Variants in SNTB1 observed in about 807,000 individuals in gnomAD.
SNTB1 encodes the protein syntrophin beta 1.
A neutral mutation model predicts 48.9 loss-of-function variants in SNTB1; 36 were observed. The observed-to-expected ratio is 0.74, with a 90% CI of 0.56 to 0.97. The LOEUF is 0.97. SNTB1 is among the 50% of genes least tolerant of loss of function. The pLI, the probability that SNTB1 is intolerant of heterozygous loss-of-function variation, is 0.00. For missense variants in SNTB1, 786 were observed against 703.4 expected, an observed-to-expected ratio of 1.12 and a Z score of -1.33; for synonymous variants, 299 against 294.6, an observed-to-expected ratio of 1.01 and a Z score of -0.15.
intron 3 of SNTB1, among the ~76,000 whole-genome samples, chr8:120,602,012 A>T (rs143372750): frequency 6.6e-6 from 1 of 152,358 alleles, no homozygotes; most frequent in Admixed American, 6.5e-5. Flanking sequence ...CAAAAAACAA[A>T]AACAAACAAC....
At chr8:120,605,426 C>T (rs535757002) in intron 3 of SNTB1, among the ~76,000 whole-genome samples, 1 of 152,312 alleles carries the variant, frequency 6.6e-6, no homozygotes, top group African/African-American at 2.4e-5. Context: ...GATATTACCA[C>T]GTCTAACTGT....
chr8:120,695,423 C>A (rs914618936), intron 1 of SNTB1, among the ~76,000 whole-genome samples: 3 of 152,134 alleles, frequency 2.0e-5, no homozygotes, highest in African/African-American at 4.8e-5. Context: ...TGGGTGAGAA[C>A]AACTCATAGC....
chr8:120,551,535 G>A (rs1035818355), intron 4 of SNTB1, among the ~76,000 whole-genome samples: 1 of 151,590 alleles, frequency 6.6e-6, no homozygotes, highest in South Asian at 2.1e-4. Context: ...GACCATCCTG[G>A]CTAACACAGT....
At chr8:120,735,136 T>C (rs1411720263) in intron 1 of SNTB1, among the ~76,000 whole-genome samples, 1 of 152,202 alleles carries the variant, frequency 6.6e-6, no homozygotes, top group Non-Finnish European at 1.5e-5. Context: ...CAGATGAGGC[T>C]ATGGGCATGT....
chr8:120,661,233 A>G (rs1817582810), intron 2 of SNTB1, among the ~76,000 whole-genome samples: 1 of 152,194 alleles, frequency 6.6e-6, no homozygotes, highest in Non-Finnish European at 1.5e-5. Flanking sequence ...ACAATAAAGC[A>G]AAGTGCAACA....
intron 4 of SNTB1, chr8:120,570,479 A>AC (rs1054030016): frequency 6.6e-6 from 1 of 152,030 alleles, no homozygotes; most frequent in Admixed American, 6.6e-5. Context: ...CTCTGTGTCA[A>AC]CCCCCTGTGG....
At chr8:120,677,482 C>T (rs1367689583) in intron 2 of SNTB1, among the ~76,000 whole-genome samples, 2 of 152,164 alleles carry the variant, frequency 1.3e-5, no homozygotes, top group African/African-American at 4.8e-5. Context: ...TTTTCGTTTA[C>T]CCAAACGGCT....
In SNTB1 at chr8:120,537,548, T is replaced by C. The variant is rs1194998292; in HGVS notation, c.*1329A>G. ...TGCATGGGTATTTGTTAACATATGA[T>C]TCTTTAAAAACACACAGGTCTAACA... On this transcript the variant is annotated 3_prime_UTR_variant, in exon 7 of 7. Transcript: ENST00000517992. 6.6e-6 allele frequency: 1 copy of C among 152,242 alleles called. No homozygotes were observed. Among genetic ancestry groups the C allele is most frequent in the African/African-American group, 2.4e-5 (1 of 41,460 alleles). The allele number at this position is 152,242 out of a possible 1,614,324, so 9.4% of individuals were successfully genotyped here.
intron 4 of SNTB1, among the ~76,000 whole-genome samples, chr8:120,556,252 G>A (rs1437801591): frequency 6.6e-6 from 1 of 152,122 alleles, no homozygotes; most frequent in East Asian, 1.9e-4. Context: ...CCCGCTTCTG[G>A]TAGATGACAA....
At chr8:120,617,083 A>C (rs888186512) in intron 3 of SNTB1, among the ~76,000 whole-genome samples, 1 of 152,234 alleles carries the variant, frequency 6.6e-6, no homozygotes. Context: ...ATTTGTGTTG[A>C]AAACATTATG....
intron 1 of SNTB1, among the ~76,000 whole-genome samples, chr8:120,720,653 T>C (rs1285268154): frequency 6.6e-6 from 1 of 152,246 alleles, no homozygotes; most frequent in African/African-American, 2.4e-5. Context: ...TCAGTATCTT[T>C]TGCAAACCCA....
intron 4 of SNTB1, among the ~76,000 whole-genome samples, chr8:120,559,447 A>G (rs1815617677): frequency 6.6e-6 from 1 of 152,222 alleles, no homozygotes; most frequent in Non-Finnish European, 1.5e-5. Context: ...AAATGTCTTT[A>G]AATTACTTTA....
At chr8:120,573,711 G>A (rs1293693638) in intron 4 of SNTB1, among the ~76,000 whole-genome samples, 1 of 152,014 alleles carries the variant, frequency 6.6e-6, no homozygotes, top group Non-Finnish European at 1.5e-5. Context: ...GTTTATTTTT[G>A]TGTATGGTGT....
chr8:120,575,449 G>A (rs1263734027), intron 3 of SNTB1, among the ~76,000 whole-genome samples: 4 of 152,202 alleles, frequency 2.6e-5, no homozygotes, highest in Admixed American at 6.5e-5. Context: ...CAGCCAAGAA[G>A]CAGCCCAGCT....
At chr8:120,746,466 C>T (rs997257406) in intron 1 of SNTB1, among the ~76,000 whole-genome samples, 1 of 152,046 alleles carries the variant, frequency 6.6e-6, no homozygotes, top group Admixed American at 6.6e-5. Context: ...TTTTCAATAG[C>T]GCAGAGATTG....
intron 3 of SNTB1, among the ~76,000 whole-genome samples, chr8:120,620,492 C>T (rs1816776440): frequency 6.6e-6 from 1 of 152,124 alleles, no homozygotes; most frequent in Non-Finnish European, 1.5e-5. Flanking sequence ...ACTTCACTGC[C>T]CTTCCCTGCC....
intron 1 of SNTB1, among the ~76,000 whole-genome samples, chr8:120,800,245 C>A (rs1346728372): frequency 6.6e-6 from 1 of 151,896 alleles, no homozygotes; most frequent in African/African-American, 2.4e-5. Flanking sequence ...AAGCCCCACG[C>A]CAACTTTATA....
chr8:120,786,430 T>A (rs569798287), intron 1 of SNTB1, among the ~76,000 whole-genome samples: 1 of 152,144 alleles, frequency 6.6e-6, no homozygotes, highest in Admixed American at 6.5e-5. Context: ...TCATGAAGGG[T>A]CTTAGAGAAG....
At chr8:120,744,121 A>ATTTTTTTTTTTTTTTT (rs35604534) in intron 1 of SNTB1, among the ~76,000 whole-genome samples, 12 of 136,152 alleles carry the variant, frequency 8.8e-5, no homozygotes, top group Admixed American at 3.2e-4. Flanking sequence ...CCCTGTCTCA[A>ATTTTTTTTTTTTTTTT]TTTTTTTTTT....
Sources: gnomAD v4.1 joint callset for allele counts (sites outside exome capture counted in the v4.1 genomes callset) on GRCh38, gnomAD v4.1.1 for gene constraint, MANE v1.5 for transcripts, NCBI Gene and HGNC (gene_info 2026-07-23, HGNC 2026-07-21) for gene names.